ERC2: variants seen among roughly 807,000 people sequenced by gnomAD.
ERC2 encodes ELKS/RAB6-interacting/CAST family member 2, also known as ERC protein 2.
Under a neutral mutation model 114.8 loss-of-function variants are expected in ERC2, and 42 were observed. The ratio of observed to expected loss-of-function variants is 0.37; its 90% CI spans 0.29 to 0.47. The LOEUF (loss-of-function observed/expected upper bound fraction) is 0.47. Among genes scored for constraint, ERC2 ranks in the 20% least tolerant of loss-of-function variants. The probability of loss-of-function intolerance (pLI) is 0.99; values close to 1 mark genes in which losing one functional copy is unlikely to be tolerated. For missense variants in ERC2, 939 were observed against 1,150.7 expected (o/e 0.82, Z 2.66); for synonymous variants, 454 against 425.5 (o/e 1.07, Z -0.82).
chr3:55,872,897 T>G (rs2062649089), intron 14 of ERC2, among the ~76,000 whole-genome samples: 1 of 152,144 alleles, frequency 6.6e-6, no homozygotes, highest in Non-Finnish European at 1.5e-5. Flanking sequence ...AGATACAGGC[T>G]AGGACTAGAC....
At chr3:56,246,053 G>T (rs988151946) in intron 3 of ERC2, among the ~76,000 whole-genome samples, 1 of 141,492 alleles carries the variant, frequency 7.1e-6, no homozygotes, top group Non-Finnish European at 1.5e-5. Flanking sequence ...CTTCCTTAGT[G>T]ATATTTCTTC....
At chr3:56,038,866 A>G (rs2074967112) in intron 7 of ERC2, among the ~76,000 whole-genome samples, 1 of 152,154 alleles carries the variant, frequency 6.6e-6, no homozygotes, top group African/African-American at 2.4e-5. Flanking sequence ...TCTCACTTAT[A>G]AGTTGGTGCT....
chr3:55,993,845 T>C (rs2071273754), intron 10 of ERC2, among the ~76,000 whole-genome samples: 1 of 152,134 alleles, frequency 6.6e-6, no homozygotes, highest in Non-Finnish European at 1.5e-5. Flanking sequence ...TAAAATAATC[T>C]GAAAGAGAAT....
intron 14 of ERC2, among the ~76,000 whole-genome samples, chr3:55,764,664 T>C (rs1051306796): frequency 6.6e-6 from 1 of 152,192 alleles, no homozygotes; most frequent in Non-Finnish European, 1.5e-5. Context: ...AAATAGGGTT[T>C]TCTGATAGTT....
Position 55,573,823 on chromosome 3 carries a change from G to A in ERC2, c.*40-62547C>T, listed in dbSNP as rs137869686. On this transcript the variant is annotated intron_variant, in intron 17 of 17. Coordinates refer to ENST00000288221, the MANE Select transcript of ERC2 (RefSeq NM_015576.3). ...CACTTTTCTGGAGTGATGAAGAGCCGTGAATTTCCATAGTCCTAGACTGCA... is the reference window on the plus strand; with the variant it reads ...CACTTTTCTGGAGTGATGAAGAGCCATGAATTTCCATAGTCCTAGACTGCA... Among the ~76,000 whole-genome samples the A allele has an allele frequency of 1.2e-4, 18 of 152,222 alleles. No homozygotes were observed. The East Asian group carries it at 2.5e-3, about 21-fold the overall frequency.
At chr3:55,571,834 T>A (rs775221178) in intron 17 of ERC2, among the ~76,000 whole-genome samples, 1 of 152,204 alleles carries the variant, frequency 6.6e-6, no homozygotes, top group Admixed American at 6.5e-5. Flanking sequence ...TAGCACACAG[T>A]AGGTGCTCAA....
intron 3 of ERC2, among the ~76,000 whole-genome samples, chr3:56,186,340 CTCT>C (rs2083614476): frequency 6.6e-6 from 1 of 151,734 alleles, no homozygotes; most frequent in South Asian, 2.1e-4. Flanking sequence ...CTTTGCACTC[CTCT>C]GTTGGAGAGT....
At chr3:56,313,361 T>TCAG (rs1342633288) in intron 2 of ERC2, among the ~76,000 whole-genome samples, 8 of 152,016 alleles carry the variant, frequency 5.3e-5, no homozygotes, top group African/African-American at 1.9e-4. Flanking sequence ...ATGAATTATA[T>TCAG]CTCAATAAAG....
At chr3:56,251,327 A>G (rs896493046) in intron 3 of ERC2, among the ~76,000 whole-genome samples, 3 of 152,240 alleles carry the variant, frequency 2.0e-5, no homozygotes, top group Non-Finnish European at 2.9e-5. Context: ...AAAAGCTCAA[A>G]AAATCATATA....
chr3:55,633,436 C>T (rs1382660128), intron 17 of ERC2, among the ~76,000 whole-genome samples: 2 of 152,102 alleles, frequency 1.3e-5, no homozygotes, highest in Admixed American at 1.3e-4. Context: ...TATAAAATAA[C>T]TCTATATCCC....
intron 12 of ERC2, among the ~76,000 whole-genome samples, chr3:55,977,299 T>C (rs991067114): frequency 2.6e-5 from 4 of 152,184 alleles, no homozygotes; most frequent in Non-Finnish European, 5.9e-5. Context: ...CATTTGACTA[T>C]GTAAAATAAT....
intron 14 of ERC2, among the ~76,000 whole-genome samples, chr3:55,796,985 G>A (rs901959766): frequency 1.3e-5 from 2 of 152,174 alleles, no homozygotes; most frequent in Non-Finnish European, 2.9e-5. Context: ...AAACACCTTT[G>A]AGAAATGGTG....
intron 12 of ERC2, among the ~76,000 whole-genome samples, chr3:55,982,171 G>A (rs2070196687): frequency 6.6e-6 from 1 of 152,140 alleles, no homozygotes; most frequent in Admixed American, 6.5e-5. Flanking sequence ...GTGCTTCATG[G>A]AATATATTCA....
At chr3:55,873,786 C>T (rs553628120) in intron 14 of ERC2, among the ~76,000 whole-genome samples, 1 of 152,244 alleles carries the variant, frequency 6.6e-6, no homozygotes, top group Admixed American at 6.5e-5. Context: ...ACCATCCCCA[C>T]CCCTTCACCT....
intron 12 of ERC2, among the ~76,000 whole-genome samples, chr3:55,978,611 GC>G (rs1290633280): frequency 1.3e-5 from 2 of 152,200 alleles, no homozygotes; most frequent in Non-Finnish European, 2.9e-5. Flanking sequence ...TCTCCTATGT[GC>G]CTTGACTGTG....
chr3:55,719,207 C>A (rs958539460), intron 15 of ERC2, among the ~76,000 whole-genome samples: 1 of 152,114 alleles, frequency 6.6e-6, no homozygotes. Flanking sequence ...TCATTCCAGC[C>A]GTGACATAGG....
intron 3 of ERC2, among the ~76,000 whole-genome samples, chr3:56,204,084 G>A (rs1333636373): frequency 6.6e-6 from 1 of 152,210 alleles, no homozygotes; most frequent in African/African-American, 2.4e-5. Context: ...CAGCTACTCA[G>A]GAGACTGAGG....
intron 2 of ERC2, among the ~76,000 whole-genome samples, chr3:56,382,779 T>C (rs1410737739): frequency 2.0e-5 from 3 of 152,132 alleles, no homozygotes; most frequent in Non-Finnish European, 2.9e-5. Flanking sequence ...ATGCAATCTT[T>C]CTGCTAATCA....
chr3:55,690,406 C>G (rs976255700), intron 16 of ERC2, among the ~76,000 whole-genome samples: 2 of 152,168 alleles, frequency 1.3e-5, no homozygotes, highest in African/African-American at 4.8e-5. Flanking sequence ...GTTGGCCACC[C>G]CCTCTCAATG....
Sources: allele counts gnomAD v4.1 joint callset (sites outside exome capture counted in the v4.1 genomes callset), GRCh38; gene constraint gnomAD v4.1.1; transcripts MANE v1.5; gene names NCBI Gene and HGNC (gene_info 2026-07-23, HGNC 2026-07-21).